Variants in TRIM37 observed in about 807,000 individuals in gnomAD.
The protein encoded by TRIM37 is E3 ubiquitin-protein ligase TRIM37.
A neutral mutation model predicts 129.8 loss-of-function variants in TRIM37; 80 were observed. The observed-to-expected ratio is 0.62, with a 90% CI of 0.51 to 0.74. TRIM37 has a LOEUF of 0.74. TRIM37 is among the 30% of genes least tolerant of loss of function. The pLI is 0.00. For missense variants in TRIM37, 1,054 were observed against 1,176.5 expected, an observed-to-expected ratio of 0.90 and a Z score of 1.52; for synonymous variants, 389 against 387.1, an observed-to-expected ratio of 1.00 and a Z score of -0.06.
chr17:59,056,553 C>A (rs1430752301), intron 13 of TRIM37, among the ~76,000 whole-genome samples: 2 of 151,360 alleles, frequency 1.3e-5, no homozygotes, highest in Non-Finnish European at 1.5e-5. Flanking sequence ...AACAGTGAAA[C>A]CCCGTCTCTA....
At chr17:59,051,462 GTTGT>G (rs963368291) in intron 13 of TRIM37, 134 bp from the exon 14 acceptor site, 4 of 698,066 alleles carry the variant, frequency 5.7e-6, no homozygotes, top group Non-Finnish European at 1.0e-5. Context: ...GCTAGTATTT[GTTGT>G]TTATAGATGT....
At chr17:58,980,905 T>C (rs771633630), downstream of TRIM37, 6 of 1,614,030 alleles carry the variant, frequency 3.7e-6, no homozygotes, top group East Asian at 2.2e-5. This position sits in a 1 kb window ranked among gnomAD's most constrained non-coding sequence, Gnocchi z 4.7. Context: ...GGAAGAGAAA[T>C]AGGATAAGAA....
chr17:59,065,014 A>C (rs976255282), intron 9 of TRIM37, among the ~76,000 whole-genome samples: 6 of 152,148 alleles, frequency 3.9e-5, no homozygotes, highest in African/African-American at 1.4e-4. Flanking sequence ...TTGCACTACC[A>C]CACTCCAGCG....
chr17:59,093,105 G>A (rs564578743), intron 2 of TRIM37, among the ~76,000 whole-genome samples: 27 of 152,258 alleles, frequency 1.8e-4, no homozygotes, highest in African/African-American at 5.8e-4. Flanking sequence ...AGCCGAGACA[G>A]CGCCACGGCA....
downstream of TRIM37, chr17:58,980,114 T>G: frequency 3.1e-6 from 5 of 1,614,100 alleles, no homozygotes; most frequent in Middle Eastern, 4.9e-4. The surrounding 1 kb of genome is among the most constrained non-coding windows in gnomAD (Gnocchi z 4.7). Flanking sequence ...GAAAGTTGTG[T>G]CCGACCACCT....
intron 17 of TRIM37, among the ~76,000 whole-genome samples, chr17:59,041,061 A>G (rs1304096582): frequency 6.6e-6 from 1 of 152,238 alleles, no homozygotes; most frequent in Non-Finnish European, 1.5e-5. Context: ...TCAAAAAAAA[A>G]AAAAGAATAT....
intron 22 of TRIM37, among the ~76,000 whole-genome samples, chr17:59,007,425 C>T (rs983702832): frequency 2.6e-5 from 4 of 152,110 alleles, no homozygotes; most frequent in African/African-American, 9.7e-5. Context: ...AAATGATCAG[C>T]AATGGCAGGC....
intron 16 of TRIM37, 148 bp from the exon 17 acceptor site, chr17:59,042,046 A>G (rs2039220984): frequency 1.5e-6 from 1 of 664,268 alleles, no homozygotes. Context: ...TCATTTTCCA[A>G]ATTTAAGTAG....
chr17:59,088,055 G>C (rs756018739), intron 4 of TRIM37: 23 of 594,696 alleles, frequency 3.9e-5, no homozygotes, highest in Non-Finnish European at 5.4e-5. Context: ...CTTTCTGTGT[G>C]GGGGGAGGGG....
At chr17:59,066,284 T>A (rs368642350) in intron 9 of TRIM37, among the ~76,000 whole-genome samples, 1 of 152,198 alleles carries the variant, frequency 6.6e-6, no homozygotes, top group South Asian at 2.1e-4. Context: ...TTGTGCAACT[T>A]TCAATCAGGT....
intron 22 of TRIM37, among the ~76,000 whole-genome samples, chr17:59,005,404 C>T (rs1187437120): frequency 6.6e-6 from 1 of 152,128 alleles, no homozygotes; most frequent in Non-Finnish European, 1.5e-5. Flanking sequence ...CTGTCTCAGC[C>T]TCCCAAGTAG....
chr17:59,091,217 G>A lies in TRIM37; in HGVS notation c.164+83C>T, dbSNP rs563185122. The A allele has an allele frequency of 5.4e-5, 56 of 1,035,374 alleles. No individual in the cohort carries two copies. In the East Asian group the frequency reaches 1.5e-3, roughly 28 times the overall value. The allele number at this position is 1,035,374 out of a possible 1,614,324, so 64.1% of individuals were successfully genotyped here. A position where few individuals can be genotyped will look rare whatever the true frequency, so the allele number is the denominator to read the frequency against. On this transcript the variant is annotated intron_variant, in intron 3 of 23. Transcript: ENST00000262294. ...GAAGAAGAGAAATGGGCAGACTGCA[G>A]GAAAACTGCCTTTATGAATCCCAAG... is the stretch of plus-strand genomic sequence containing the variant.
In TRIM37 at chr17:59,015,856, G is replaced by GT. The variant is rs371142540; in HGVS notation, c.2387-58dup. 685 of 1,548,610 alleles carry GT rather than the reference G, an allele frequency of 4.4e-4. 2 individuals are homozygous for GT. The Middle Eastern group carries it at 5.8e-3, about 13-fold the overall frequency. Reference sequence around the variant, plus strand: ...TAGCTGGGCATGGTGGTGTGCGCCTGTAATCCCAGCTACTTGGGAGGTTGA... The same window carrying GT: ...TAGCTGGGCATGGTGGTGTGCGCCTGTTAATCCCAGCTACTTGGGAGGTTGA... On this transcript the variant is annotated intron_variant, in intron 20 of 23. Transcript: ENST00000262294.
At chr17:59,088,879 A>G (rs1165238742) in intron 3 of TRIM37, among the ~76,000 whole-genome samples, 1 of 152,248 alleles carries the variant, frequency 6.6e-6, no homozygotes, top group East Asian at 1.9e-4. Flanking sequence ...ACTTATTTTC[A>G]CCACATTAAC....
chr17:59,041,015 C>T (rs552659741), intron 17 of TRIM37, among the ~76,000 whole-genome samples: 40 of 151,516 alleles, frequency 2.6e-4, no homozygotes, highest in Admixed American at 9.8e-4. Flanking sequence ...CACTGCAGTC[C>T]GCAGTCCGAC....
chr17:58,983,100 G>A, intron 24 of TRIM37: 3 of 562,600 alleles, frequency 5.3e-6, no homozygotes, highest in South Asian at 2.6e-5. Context: ...TTTCTCAGTG[G>A]GGAAAAAAAT....
chr17:59,057,400 G>A (rs1411234219), intron 12 of TRIM37, among the ~76,000 whole-genome samples: 8 of 152,254 alleles, frequency 5.3e-5, no homozygotes, highest in Admixed American at 3.9e-4. Flanking sequence ...TAGTGGAGAC[G>A]GGGGTTCATG....
chr17:58,992,113 T>C (rs1254492120), intron 24 of TRIM37, among the ~76,000 whole-genome samples: 2 of 151,920 alleles, frequency 1.3e-5, no homozygotes, highest in Admixed American at 6.6e-5. Context: ...AATGCACTTA[T>C]GATCAGAGTT....
rs2031454062 is a variant in TRIM37, at chr17:58,982,992, A to G, written c.2892-71T>C. On this transcript the variant is annotated intron_variant, in intron 24 of 24. Coordinates refer to the TRIM37 transcript ENST00000393066. Reference sequence around the variant, plus strand: ...ATAGTCCAAAGTGCTTAGCGAAGTAAAAAAAAAAGCTTTTTAAAATTTCTA... The same window carrying G: ...ATAGTCCAAAGTGCTTAGCGAAGTAGAAAAAAAAGCTTTTTAAAATTTCTA... The G allele has an allele frequency of 6.5e-6, 9 of 1,375,448 alleles. No homozygotes were observed. In the Admixed American group the frequency reaches 2.0e-4, roughly 31 times the overall value. The allele number at this position is 1,375,448 out of a possible 1,614,324, so 85.2% of individuals were successfully genotyped here. A position where few individuals can be genotyped will look rare whatever the true frequency, so the allele number is the denominator to read the frequency against.
Sources: gnomAD v4.1 joint callset for allele counts (sites outside exome capture counted in the v4.1 genomes callset) on GRCh38, gnomAD v4.1.1 for gene constraint, Gnocchi (gnomAD v3.1) non-coding constraint, MANE v1.5 for transcripts, NCBI Gene and HGNC (gene_info 2026-07-23, HGNC 2026-07-21) for gene names.